The following GPC6 variants were observed in gnomAD, a reference collection of about 807,000 sequenced individuals.
The protein encoded by GPC6 is glypican-6.
Under a neutral mutation model 55.2 loss-of-function variants are expected in GPC6, and 14 were observed. The ratio of observed to expected loss-of-function variants is 0.25; its 90% CI spans 0.17 to 0.40. The LOEUF (loss-of-function observed/expected upper bound fraction) is 0.40. Ranked by LOEUF, GPC6 falls within the 10% of genes least tolerant of loss-of-function variation. GPC6 has a pLI of 1.00. For missense variants in GPC6, 641 were observed against 708.5 expected (o/e 0.90, Z 1.08); for synonymous variants, 278 against 259.6 (o/e 1.07, Z -0.68).
intron 2 of GPC6, among the ~76,000 whole-genome samples, chr13:93,780,876 A>G (rs1273327529): frequency 6.6e-6 from 1 of 152,096 alleles, no homozygotes; most frequent in Non-Finnish European, 1.5e-5. Context: ...GCTTGTCTTT[A>G]TTGACTGAAA....
At chr13:93,978,948 C>A (rs1880648358) in intron 3 of GPC6, among the ~76,000 whole-genome samples, 2 of 152,016 alleles carry the variant, frequency 1.3e-5, no homozygotes, top group Non-Finnish European at 1.5e-5. Flanking sequence ...AATACTGACA[C>A]CATATTGATG....
At chr13:94,235,676 C>T (rs966070597) in intron 4 of GPC6, among the ~76,000 whole-genome samples, 3 of 152,086 alleles carry the variant, frequency 2.0e-5, no homozygotes, top group Admixed American at 2.0e-4. Context: ...TATTCAAGCT[C>T]TCTGAAAAAT....
At chr13:93,321,296 T>C (rs1330615611) in intron 1 of GPC6, among the ~76,000 whole-genome samples, 1 of 152,194 alleles carries the variant, frequency 6.6e-6, no homozygotes, top group Admixed American at 6.5e-5. Flanking sequence ...ATTGGGTGCC[T>C]GATTTATTAG....
intron 1 of GPC6, among the ~76,000 whole-genome samples, chr13:93,501,947 T>C (rs1880535102): frequency 6.6e-6 from 1 of 152,174 alleles, no homozygotes; most frequent in Admixed American, 6.6e-5. Flanking sequence ...TGCTCACTTC[T>C]AGTAGAATGT....
Position 93,417,672 on chromosome 13 carries a change from C to T in GPC6, c.161-127591C>T, listed in dbSNP as rs537998659. On this transcript the variant is annotated intron_variant, in intron 1 of 8. Coordinates refer to ENST00000377047, the MANE Select transcript of GPC6 (RefSeq NM_005708.5). ...CAAAATCAAAGAGAGAAAGCGTGGC[C>T]AAGCTGTGTGTGAGTTATTTTGAAT... is the stretch of plus-strand genomic sequence containing the variant. Among the ~76,000 whole-genome samples, 9 of 152,008 alleles carry T rather than the reference C, an allele frequency of 5.9e-5. No homozygotes were observed. The South Asian group carries it at 1.9e-3, about 32-fold the overall frequency.
chr13:93,252,670 G>A (rs544720749), intron 1 of GPC6, among the ~76,000 whole-genome samples: 1 of 152,170 alleles, frequency 6.6e-6, no homozygotes, highest in Non-Finnish European at 1.5e-5. Flanking sequence ...CTTAGTTTTT[G>A]TTTCTCAAAT....
intron 2 of GPC6, among the ~76,000 whole-genome samples, chr13:93,548,512 C>A (rs1293736753): frequency 6.6e-6 from 1 of 152,092 alleles, no homozygotes; most frequent in Non-Finnish European, 1.5e-5. Context: ...TATTTTGTGG[C>A]AGTGGTGACT....
chr13:93,671,784 C>T (rs1007514626), intron 2 of GPC6, among the ~76,000 whole-genome samples: 7 of 152,012 alleles, frequency 4.6e-5, no homozygotes, highest in African/African-American at 1.7e-4. Flanking sequence ...GTGTTTCATC[C>T]TCTTTGCCAG....
At chr13:94,163,822 GAC>G (rs1476827024) in intron 4 of GPC6, among the ~76,000 whole-genome samples, 1 of 152,086 alleles carries the variant, frequency 6.6e-6, no homozygotes, top group Non-Finnish European at 1.5e-5. Context: ...CAGGATTTAG[GAC>G]ACTTGGAAAG....
chr13:93,930,336 A>G (rs1051246624), intron 3 of GPC6, among the ~76,000 whole-genome samples: 14 of 142,132 alleles, frequency 9.8e-5, no homozygotes, highest in African/African-American at 3.6e-4. Context: ...CAGTGGTGCA[A>G]TCTCGGCTCA....
Position 93,471,279 on chromosome 13 carries a change from C to T in GPC6, c.161-73984C>T, listed in dbSNP as rs550727055. ...CCTGTAATCCCAGCACTTTGGGAGGCCAAGGCAGGCAGATCATGAGGTCAG... is the reference window on the plus strand; with the variant it reads ...CCTGTAATCCCAGCACTTTGGGAGGTCAAGGCAGGCAGATCATGAGGTCAG... On this transcript the variant is annotated intron_variant, in intron 1 of 8. Coordinates refer to ENST00000377047, the MANE Select transcript of GPC6 (RefSeq NM_005708.5). Among the ~76,000 whole-genome samples the T allele has an allele frequency of 5.3e-5, 8 of 150,958 alleles. No individual in the cohort carries two copies. In the South Asian group the frequency reaches 1.5e-3, roughly 28 times the overall value.
chr13:93,524,114 C>T (rs944598765), intron 1 of GPC6, among the ~76,000 whole-genome samples: 1 of 151,936 alleles, frequency 6.6e-6, no homozygotes, highest in African/African-American at 2.4e-5. Flanking sequence ...GACCTTGAAC[C>T]TGACTTTCTT....
intron 1 of GPC6, among the ~76,000 whole-genome samples, chr13:93,325,322 T>TAGACA (rs1879615745): frequency 6.6e-6 from 1 of 152,194 alleles, no homozygotes; most frequent in Non-Finnish European, 1.5e-5. Flanking sequence ...ATGGCAGTAT[T>TAGACA]TTTAAGGTCT....
chr13:93,977,782 C>T (rs1295124230), intron 3 of GPC6, among the ~76,000 whole-genome samples: 1 of 152,034 alleles, frequency 6.6e-6, no homozygotes, highest in Admixed American at 6.6e-5. Context: ...ATTTCTTTGA[C>T]TTGTAGACAA....
At chr13:93,280,991 C>T (rs897776692) in intron 1 of GPC6, among the ~76,000 whole-genome samples, 2 of 152,272 alleles carry the variant, frequency 1.3e-5, no homozygotes, top group East Asian at 1.9e-4. Flanking sequence ...TAATAGGCAA[C>T]GGACTGGTGC....
At chr13:93,398,861 T>C (rs2762111) in intron 1 of GPC6, among the ~76,000 whole-genome samples, 83,160 of 152,060 alleles carry the variant, frequency 0.55, 24,216 homozygotes, top group Non-Finnish European at 0.66. Flanking sequence ...TACTTGACTA[T>C]GTATTAGACA....
chr13:94,337,676 G>A lies in GPC6; in HGVS notation c.1152+31553G>A, dbSNP rs193237433. ...TTGGCCAGGCTGGTCTTGATCTCCCGACCTCAAGTGATCTACCTGTCTTGG... is the reference window on the plus strand; with the variant it reads ...TTGGCCAGGCTGGTCTTGATCTCCCAACCTCAAGTGATCTACCTGTCTTGG... On this transcript the variant is annotated intron_variant, in intron 6 of 8. Coordinates refer to ENST00000377047, the MANE Select transcript of GPC6 (RefSeq NM_005708.5). Among the ~76,000 whole-genome samples the A allele has an allele frequency of 4.1e-4, 63 of 152,208 alleles. 1 individual carries two copies. The East Asian group carries it at 8.3e-3, about 20-fold the overall frequency.
At chr13:94,340,148 T>A (rs146775501) in intron 6 of GPC6, among the ~76,000 whole-genome samples, 138 of 152,226 alleles carry the variant, frequency 9.1e-4, no homozygotes, top group Admixed American at 3.5e-3. Flanking sequence ...CTTATAGGTA[T>A]CAAAAAGGTA....
chr13:93,924,696 C>CTTTTTTTTTTTTTTTT (rs10710851), intron 3 of GPC6, among the ~76,000 whole-genome samples: 3 of 128,568 alleles, frequency 2.3e-5, no homozygotes, highest in Non-Finnish European at 3.4e-5. Context: ...TCTTTCTTTT[C>CTTTTTTTTTTTTTTTT]TTTTTTTTTT....
Sources: gnomAD v4.1 joint callset for allele counts (sites outside exome capture counted in the v4.1 genomes callset) on GRCh38, gnomAD v4.1.1 for gene constraint, MANE v1.5 for transcripts, NCBI Gene and HGNC (gene_info 2026-07-23, HGNC 2026-07-21) for gene names.